The following KCNH5 variants were observed in gnomAD, a reference collection of about 807,000 sequenced individuals.
KCNH5 encodes voltage-gated delayed rectifier potassium channel KCNH5.
In KCNH5, 46 loss-of-function variants were observed where a neutral mutation model predicts 96.1. The ratio of observed to expected loss-of-function variants is 0.48; its 90% CI spans 0.38 to 0.61. KCNH5 has a LOEUF of 0.61. KCNH5 is among the 20% of genes least tolerant of loss of function. The probability of loss-of-function intolerance (pLI) is 0.00; values close to 1 mark genes in which losing one functional copy is unlikely to be tolerated. For missense variants in KCNH5, 907 were observed against 1,225.8 expected (o/e 0.74, Z 3.88); for synonymous variants, 439 against 449.8 (o/e 0.98, Z 0.30).
At chr14:62,861,520 T>C (rs990572981) in intron 7 of KCNH5, among the ~76,000 whole-genome samples, 2 of 152,110 alleles carry the variant, frequency 1.3e-5, no homozygotes, top group African/African-American at 2.4e-5. Flanking sequence ...ACTGAAAGTA[T>C]AACATATTTC....
At position 62,751,271 on chromosome 14, in the gene KCNH5, T is replaced by C. The variant is rs147973533; in HGVS notation, c.2019+28457A>G. ...AGCTTAAAGGATAGGTAAAATGACA[T>C]CTATGGGCTTTTCCATCTATTCCCC... On this transcript the variant is annotated intron_variant, in intron 10 of 10. Coordinates refer to ENST00000322893, the MANE Select transcript of KCNH5 (RefSeq NM_139318.5). 4.2e-3 allele frequency among the ~76,000 whole-genome samples: 642 copies of C among 152,214 alleles called. 5 individuals are homozygous for C. The highest frequency in any genetic ancestry group is 0.014 in the African/African-American group (582 of 41,544).
At chr14:62,988,149 A>T (rs1890744196) in intron 4 of KCNH5, among the ~76,000 whole-genome samples, 1 of 152,098 alleles carries the variant, frequency 6.6e-6, no homozygotes, top group South Asian at 2.1e-4. Flanking sequence ...GGAAATGTCA[A>T]TAAGAAGTGA....
rs1290509841 is a variant in KCNH5, at chr14:62,704,907, T to C, written c.*2601A>G. 2 of 151,906 alleles carry C rather than the reference T, an allele frequency of 1.3e-5. No homozygotes were observed. The highest frequency in any genetic ancestry group is 2.9e-5 in the Non-Finnish European group (2 of 67,798). 9.4% of individuals were successfully genotyped at this position (151,906 alleles called of 1,614,324 possible). On this transcript the variant is annotated 3_prime_UTR_variant, in exon 11 of 11. Coordinates refer to ENST00000322893, the MANE Select transcript of KCNH5 (RefSeq NM_139318.5). Reference sequence around the variant, plus strand: ...AATTCAACTGCTAAGATTTGTGGAATCTGGGAACCTAAAAGACTACTCTAT... The same window carrying C: ...AATTCAACTGCTAAGATTTGTGGAACCTGGGAACCTAAAAGACTACTCTAT...
At chr14:62,748,260 C>G (rs1002096563) in intron 10 of KCNH5, among the ~76,000 whole-genome samples, 1 of 152,160 alleles carries the variant, frequency 6.6e-6, no homozygotes, top group African/African-American at 2.4e-5. Flanking sequence ...GAGATATAGT[C>G]TGCTACAAGG....
intron 10 of KCNH5, among the ~76,000 whole-genome samples, chr14:62,749,853 C>T (rs377619214): frequency 2.6e-5 from 4 of 152,144 alleles, no homozygotes; most frequent in South Asian, 2.1e-4. Context: ...CAAGGGAAGG[C>T]GGTCCTGAAT....
intron 7 of KCNH5, among the ~76,000 whole-genome samples, chr14:62,915,310 A>G (rs1889252977): frequency 6.6e-6 from 1 of 152,186 alleles, no homozygotes; most frequent in South Asian, 2.1e-4. Context: ...TTTTGGCATG[A>G]CACATTGAAT....
chr14:62,712,510 C>A (rs1219451452), intron 10 of KCNH5: 1 of 634,790 alleles, frequency 1.6e-6, no homozygotes. Context: ...TTAGGTCACA[C>A]AACTGTGTGT....
chr14:62,748,998 G>A (rs1885440181), intron 10 of KCNH5, among the ~76,000 whole-genome samples: 1 of 152,164 alleles, frequency 6.6e-6, no homozygotes, highest in African/African-American at 2.4e-5. Context: ...AGAAATATGA[G>A]TGTCTAAAGC....
chr14:63,029,530 G>T (rs993298723), intron 1 of KCNH5, among the ~76,000 whole-genome samples: 1 of 151,764 alleles, frequency 6.6e-6, no homozygotes, highest in African/African-American at 2.4e-5. Context: ...TGGCGGGGGG[G>T]ATGTATGTAT....
intron 10 of KCNH5, among the ~76,000 whole-genome samples, chr14:62,724,866 T>A (rs1213518708): frequency 6.6e-6 from 1 of 152,144 alleles, no homozygotes; most frequent in African/African-American, 2.4e-5. Context: ...ACTTAGAATT[T>A]GAAACAAAAA....
Position 62,987,095 on chromosome 14 carries a change from G to A in KCNH5, c.526C>T (p.His176Tyr). ...LTPMNKTEVV[H>Y]KHSRLAEVLQ... ...ACTTCAGCTAGTCTTGAATGTTTATGGACCACCTCTGTTTTATTCATTGGC... is the reference window on the plus strand; with the variant it reads ...ACTTCAGCTAGTCTTGAATGTTTATAGACCACCTCTGTTTTATTCATTGGC... Residue 176 changes from histidine to tyrosine, a missense_variant, in exon 5 of 11, where the codon CAT (histidine) becomes TAT (tyrosine). Transcript: ENST00000322893. The A allele has an allele frequency of 1.2e-6, 2 of 1,613,050 alleles. No homozygotes were observed. The highest frequency in any genetic ancestry group is 1.7e-6 in the Non-Finnish European group (2 of 1,179,158).
chr14:62,994,003 T>C (rs114713961), intron 4 of KCNH5, among the ~76,000 whole-genome samples: 175 of 152,222 alleles, frequency 1.1e-3, no homozygotes, highest in African/African-American at 4.0e-3. Context: ...AGTTTAGCTC[T>C]ATTGGGTTGC....
intron 7 of KCNH5, among the ~76,000 whole-genome samples, chr14:62,859,144 A>C (rs1887985257): frequency 6.6e-6 from 1 of 152,154 alleles, no homozygotes; most frequent in African/African-American, 2.4e-5. Context: ...AGTGAGGACA[A>C]ACCTCTGCCC....
At chr14:63,018,906 C>T (rs1256900271) in intron 1 of KCNH5, among the ~76,000 whole-genome samples, 1 of 151,792 alleles carries the variant, frequency 6.6e-6, no homozygotes, top group Non-Finnish European at 1.5e-5. Context: ...AATAGGTAAA[C>T]ACAGAAATAA....
intron 7 of KCNH5, among the ~76,000 whole-genome samples, chr14:62,938,833 A>G (rs1889733815): frequency 6.6e-6 from 1 of 152,236 alleles, no homozygotes; most frequent in Non-Finnish European, 1.5e-5. Flanking sequence ...GTTCAATTTC[A>G]TACAAACTTC....
chr14:62,882,393 G>T (rs1740446871), intron 7 of KCNH5, among the ~76,000 whole-genome samples: 1 of 152,220 alleles, frequency 6.6e-6, no homozygotes, highest in South Asian at 2.1e-4. Flanking sequence ...TGAGCTGCAT[G>T]CTGTAATTTC....
chr14:62,913,148 C>T (rs1021308059), intron 7 of KCNH5, among the ~76,000 whole-genome samples: 1 of 152,150 alleles, frequency 6.6e-6, no homozygotes, highest in Non-Finnish European at 1.5e-5. Context: ...AAATCTGATG[C>T]ATCTTGTTGG....
chr14:62,984,868 A>T (rs530849784), intron 5 of KCNH5, among the ~76,000 whole-genome samples: 1 of 152,322 alleles, frequency 6.6e-6, no homozygotes, highest in South Asian at 2.1e-4. Flanking sequence ...GTGAAAAAAC[A>T]ATTCTGAGTG....
At position 62,701,743 on chromosome 14, in the gene KCNH5, G is replaced by C. The variant is rs1467375060; in HGVS notation, c.*5765C>G. 6.6e-6 allele frequency: 1 copy of C among 151,914 alleles called. No individual in the cohort carries two copies. The highest frequency in any genetic ancestry group is 2.4e-5 in the African/African-American group (1 of 41,432). 9.4% of individuals were successfully genotyped at this position (151,914 alleles called of 1,614,324 possible). On this transcript the variant is annotated 3_prime_UTR_variant, in exon 11 of 11. Coordinates refer to ENST00000322893, the MANE Select transcript of KCNH5 (RefSeq NM_139318.5). ...GACACTTGCTTTAGAAATCTCAAAGGGTAGAACAAATAAATCACATTCAGA... is the reference window on the plus strand; with the variant it reads ...GACACTTGCTTTAGAAATCTCAAAGCGTAGAACAAATAAATCACATTCAGA...
Sources: gnomAD v4.1 joint callset for allele counts (sites outside exome capture counted in the v4.1 genomes callset) on GRCh38, gnomAD v4.1.1 for gene constraint, MANE v1.5 for transcripts, NCBI Gene and HGNC (gene_info 2026-07-23, HGNC 2026-07-21) for gene names.